The following HOOK3 variants were observed in gnomAD, a reference collection of about 807,000 sequenced individuals.
HOOK3 encodes the protein protein Hook homolog 3.
In HOOK3, 24 loss-of-function variants were observed where a neutral mutation model predicts 116.3. The ratio of observed to expected loss-of-function variants is 0.21; its 90% CI spans 0.15 to 0.29. The LOEUF is 0.29. Among genes scored for constraint, HOOK3 ranks in the 10% least tolerant of loss-of-function variants. The probability of loss-of-function intolerance (pLI) is 1.00; values close to 1 mark genes in which losing one functional copy is unlikely to be tolerated. For synonymous variants in HOOK3, 275 were observed against 283.0 expected (o/e 0.97, Z 0.28); for missense variants, 632 against 830.2 (o/e 0.76, Z 2.93).
chr8:42,916,657 CCAGA>C (rs1395643031), intron 2 of HOOK3, among the ~76,000 whole-genome samples: 7 of 152,198 alleles, frequency 4.6e-5, no homozygotes, highest in Middle Eastern at 3.2e-3. Flanking sequence ...TAAAGCTGCA[CCAGA>C]CAGTATAATC....
At position 42,996,136 on chromosome 8, in the gene HOOK3, A is replaced by G. The variant is rs181563740; in HGVS notation, c.1533-1414A>G. ...CGCGGTGGCTCATGCCTGTAATCCCAGCACTTTGGGAGGCCGAGGCAGGTG... is the reference window on the plus strand; with the variant it reads ...CGCGGTGGCTCATGCCTGTAATCCCGGCACTTTGGGAGGCCGAGGCAGGTG... On this transcript the variant is annotated intron_variant, in intron 15 of 21. Coordinates refer to ENST00000307602, the MANE Select transcript of HOOK3 (RefSeq NM_032410.4). 1.8e-4 allele frequency among the ~76,000 whole-genome samples: 28 copies of G among 152,264 alleles called. No individual in the cohort carries two copies. The East Asian group carries it at 2.7e-3, about 15-fold the overall frequency.
chr8:42,953,574 A>C (rs1808381827), intron 6 of HOOK3, among the ~76,000 whole-genome samples: 1 of 152,036 alleles, frequency 6.6e-6, no homozygotes, highest in South Asian at 2.1e-4. Context: ...AGAAAAAAAA[A>C]AAAAGTAAAA....
chr8:42,951,848 G>A (rs1007109352), intron 6 of HOOK3, among the ~76,000 whole-genome samples: 2 of 152,070 alleles, frequency 1.3e-5, no homozygotes, highest in East Asian at 1.9e-4. Flanking sequence ...GGCTGAGGCA[G>A]GAAAATTGCT....
intron 13 of HOOK3, among the ~76,000 whole-genome samples, 189 bp downstream of exon 13, chr8:42,974,383 G>A (rs532388988): frequency 1.8e-4 from 27 of 152,228 alleles, no homozygotes; most frequent in African/African-American, 6.3e-4. Context: ...TGGGATTACA[G>A]CCACACCACC....
chr8:43,014,417 T>G (rs1301587717), intron 21 of HOOK3, among the ~76,000 whole-genome samples: 1 of 151,694 alleles, frequency 6.6e-6, no homozygotes, highest in Non-Finnish European at 1.5e-5. Flanking sequence ...AGTGGTGTGA[T>G]CTCGGCTCAC....
At chr8:42,991,290 T>C (rs1452182558) in intron 15 of HOOK3, among the ~76,000 whole-genome samples, 2 of 152,176 alleles carry the variant, frequency 1.3e-5, no homozygotes, top group Non-Finnish European at 2.9e-5. Context: ...TGTGGTTCCA[T>C]ATAAATTTTA....
At chr8:42,975,277 C>T (rs1335366559) in intron 13 of HOOK3, among the ~76,000 whole-genome samples, 1 of 152,170 alleles carries the variant, frequency 6.6e-6, no homozygotes, top group African/African-American at 2.4e-5. Flanking sequence ...ATTTTTATTC[C>T]AGCCCTTGAC....
At chr8:42,917,277 C>T (rs562123459) in intron 2 of HOOK3, among the ~76,000 whole-genome samples, 1 of 152,190 alleles carries the variant, frequency 6.6e-6, no homozygotes, top group South Asian at 2.1e-4. Flanking sequence ...TGATCATCAG[C>T]CTGGGAGCTC....
intron 2 of HOOK3, among the ~76,000 whole-genome samples, chr8:42,907,159 A>G (rs749422352): frequency 1.3e-5 from 2 of 152,160 alleles, no homozygotes; most frequent in Non-Finnish European, 2.9e-5. Flanking sequence ...AGCCCTGAAC[A>G]CTTGTCAGCC....
Position 43,025,492 on chromosome 8 carries a change from A to T in HOOK3, c.*6994A>T, listed in dbSNP as rs1809917639. 4.7e-6 allele frequency: 1 copy of T among 213,742 alleles called. No homozygotes were observed. Among genetic ancestry groups the T allele is most frequent in the Non-Finnish European group, 9.5e-6 (1 of 105,790 alleles). The allele number at this position is 213,742 out of a possible 1,614,324, so 13.2% of individuals were successfully genotyped here. ...GTTCCCAAAGCAATAGTTTGCCTAA[A>T]ATCCTCTGTATTACATGATTATTCA... On this transcript the variant is annotated 3_prime_UTR_variant, in exon 22 of 22. Coordinates refer to ENST00000307602, the MANE Select transcript of HOOK3 (RefSeq NM_032410.4).
In HOOK3 at chr8:43,016,996, A is replaced by T. The variant is rs563298577; in HGVS notation, c.2017-1362A>T. On this transcript the variant is annotated intron_variant, in intron 21 of 21. Coordinates refer to ENST00000307602, the MANE Select transcript of HOOK3 (RefSeq NM_032410.4). ...CGAGACCAGCCTGGGCAACATGGCA[A>T]GACTCCGTCTAAAAAAAAAATGAAA... is the stretch of plus-strand genomic sequence containing the variant. Among the ~76,000 whole-genome samples, 21 of 151,912 alleles carry T rather than the reference A, an allele frequency of 1.4e-4. No homozygotes were observed. In the East Asian group the frequency reaches 4.1e-3, roughly 30 times the overall value.
chr8:42,995,935 A>G (rs1809255491), intron 15 of HOOK3, among the ~76,000 whole-genome samples: 1 of 152,042 alleles, frequency 6.6e-6, no homozygotes, highest in South Asian at 2.1e-4. Flanking sequence ...TTTTGATACT[A>G]TCTTCCATTT....
chr8:43,000,925 T>C (rs1809367837), intron 16 of HOOK3: 1 of 152,108 alleles, frequency 6.6e-6, no homozygotes, highest in Non-Finnish European at 1.5e-5. Context: ...TAAAATGTAT[T>C]TACATTTTAC....
At chr8:42,903,594 C>T (rs1053729626) in intron 1 of HOOK3, among the ~76,000 whole-genome samples, 1 of 149,880 alleles carries the variant, frequency 6.7e-6, no homozygotes, top group Non-Finnish European at 1.5e-5. Context: ...CCACTCTCTT[C>T]GGCCTCCCAA....
At chr8:42,919,808 G>A (rs966448126) in intron 2 of HOOK3, among the ~76,000 whole-genome samples, 12 of 152,192 alleles carry the variant, frequency 7.9e-5, no homozygotes, top group East Asian at 1.9e-4. Context: ...CAGGCGTGGC[G>A]GTGCGCGCCT....
At chr8:42,927,944 C>T (rs908857253) in intron 3 of HOOK3, among the ~76,000 whole-genome samples, 33 of 152,110 alleles carry the variant, frequency 2.2e-4, no homozygotes, top group African/African-American at 7.7e-4. Flanking sequence ...GTCAGGAGTT[C>T]GAGACCAGCC....
intron 15 of HOOK3, among the ~76,000 whole-genome samples, chr8:42,992,399 CAAAAAAA>C (rs36048747): frequency 2.1e-4 from 8 of 38,940 alleles, no homozygotes; most frequent in East Asian, 8.7e-4. Context: ...GACTCTGTCT[CAAAAAAA>C]AAAAAAAAAA....
At chr8:42,920,682 GT>G (rs1807640003) in intron 2 of HOOK3, among the ~76,000 whole-genome samples, 1 of 152,182 alleles carries the variant, frequency 6.6e-6, no homozygotes, top group South Asian at 2.1e-4. Flanking sequence ...GCTAGAACTG[GT>G]TATGTGTTGA....
At chr8:42,910,294 T>G (rs550937942) in intron 2 of HOOK3, among the ~76,000 whole-genome samples, 1 of 152,364 alleles carries the variant, frequency 6.6e-6, no homozygotes, top group African/African-American at 2.4e-5. Flanking sequence ...TACCAAAGTC[T>G]TATGGGCATA....
Sources: allele counts gnomAD v4.1 joint callset (sites outside exome capture counted in the v4.1 genomes callset), GRCh38; gene constraint gnomAD v4.1.1; transcripts MANE v1.5; gene names NCBI Gene and HGNC (gene_info 2026-07-23, HGNC 2026-07-21).